UNC13C: variants seen among roughly 807,000 people sequenced by gnomAD.
UNC13C encodes the protein protein unc-13 homolog C.
Under a neutral mutation model 245.4 loss-of-function variants are expected in UNC13C, and 174 were observed. That is an observed-to-expected ratio of 0.71 (90% CI 0.63 to 0.80). The LOEUF is 0.80. UNC13C is among the 30% of genes least tolerant of loss of function. The pLI is 0.00. For missense variants in UNC13C, 2,829 were observed against 2,602.9 expected (o/e 1.09, Z -1.89); for synonymous variants, 992 against 895.1 (o/e 1.11, Z -1.93).
the UNC13C span, among the ~76,000 whole-genome samples, chr15:53,868,715 T>C: frequency 6.6e-6 from 1 of 152,192 alleles, no homozygotes; most frequent in African/African-American, 2.4e-5. Flanking sequence ...AGGGAAAAAG[T>C]AAATTTAAGA....
chr15:54,019,216 T>C (rs1234317835), intron 2 of UNC13C, among the ~76,000 whole-genome samples: 1 of 152,202 alleles, frequency 6.6e-6, no homozygotes, highest in African/African-American at 2.4e-5. Context: ...GGATCCAGAA[T>C]TACATGGATT....
At chr15:54,295,005 C>T (rs2037392207) in intron 11 of UNC13C, among the ~76,000 whole-genome samples, 1 of 152,064 alleles carries the variant, frequency 6.6e-6, no homozygotes. Flanking sequence ...TATCTGAACA[C>T]AGATGATTCA....
At chr15:54,063,069 T>G (rs1441054315) in intron 2 of UNC13C, among the ~76,000 whole-genome samples, 1 of 152,144 alleles carries the variant, frequency 6.6e-6, no homozygotes, top group Non-Finnish European at 1.5e-5. Context: ...TGGTATTTGG[T>G]TTTTTTCCTT....
intron 14 of UNC13C, among the ~76,000 whole-genome samples, chr15:54,328,501 T>A (rs2038355426): frequency 6.6e-6 from 1 of 152,202 alleles, no homozygotes; most frequent in African/African-American, 2.4e-5. Context: ...CCAGGGGTGC[T>A]AAAGAAGGTG....
intron 30 of UNC13C, among the ~76,000 whole-genome samples, chr15:54,606,361 A>C (rs1899765593): frequency 6.6e-6 from 1 of 152,234 alleles, no homozygotes; most frequent in South Asian, 2.1e-4. Flanking sequence ...ATTTTAAAAC[A>C]AATTTAAGAT....
At chr15:53,953,288 G>T in the UNC13C span, among the ~76,000 whole-genome samples, 62 of 152,322 alleles carry the variant, frequency 4.1e-4, no homozygotes, top group Non-Finnish European at 5.1e-4. Context: ...ATGAGAAGTG[G>T]CTTTCCTTTT....
At chr15:54,010,702 A>AG (rs1491449123) in intron 1 of UNC13C, among the ~76,000 whole-genome samples, 2 of 152,204 alleles carry the variant, frequency 1.3e-5, no homozygotes, top group Non-Finnish European at 2.9e-5. Context: ...ATTTGAAAAA[A>AG]GAGTCAAATT....
chr15:54,204,825 G>A (rs553041680), intron 4 of UNC13C, among the ~76,000 whole-genome samples: 1 of 152,076 alleles, frequency 6.6e-6, no homozygotes, highest in African/African-American at 2.4e-5. Flanking sequence ...ATTTGGGAAA[G>A]TCGACAGTAT....
At chr15:53,971,591 A>G in the UNC13C span, among the ~76,000 whole-genome samples, 4 of 152,178 alleles carry the variant, frequency 2.6e-5, no homozygotes, top group African/African-American at 7.2e-5. Flanking sequence ...TAAAGTCTCT[A>G]CTAGCTGTTG....
intron 4 of UNC13C, among the ~76,000 whole-genome samples, chr15:54,166,090 A>G (rs2033154490): frequency 6.6e-6 from 1 of 152,060 alleles, no homozygotes; most frequent in Non-Finnish European, 1.5e-5. Flanking sequence ...CTTATGTATC[A>G]AAGTCATCTT....
At chr15:53,865,951 T>C in the UNC13C span, among the ~76,000 whole-genome samples, 1 of 151,954 alleles carries the variant, frequency 6.6e-6, no homozygotes, top group African/African-American at 2.4e-5. Context: ...TCTGAACCTA[T>C]ACAATAGAAT....
chr15:54,037,079 C>G lies in UNC13C; in HGVS notation c.2983+21193C>G, dbSNP rs17732128. Among the ~76,000 whole-genome samples the G allele has an allele frequency of 5.7e-3, 869 of 152,302 alleles. 43 individuals are homozygous for G. In the South Asian group the frequency reaches 0.12, roughly 22 times the overall value. On this transcript the variant is annotated intron_variant, in intron 2 of 32. Transcript: ENST00000260323. ...ACCTAGCATTAAGGGGAGACCTGTC[C>G]TAAGTATTTCTGTGTGCTTTCCAGT...
At chr15:54,026,045 T>C (rs1251848105) in intron 2 of UNC13C, among the ~76,000 whole-genome samples, 1 of 152,198 alleles carries the variant, frequency 6.6e-6, no homozygotes, top group Non-Finnish European at 1.5e-5. Flanking sequence ...GCACACATAC[T>C]GGTGTTCCTA....
At chr15:54,618,468 A>G (rs762945639) in intron 30 of UNC13C, among the ~76,000 whole-genome samples, 1 of 152,206 alleles carries the variant, frequency 6.6e-6, no homozygotes, top group Non-Finnish European at 1.5e-5. Context: ...ACTTTGTTGA[A>G]TAAAGAATAT....
chr15:54,064,226 G>A (rs1897972044), intron 2 of UNC13C, among the ~76,000 whole-genome samples: 1 of 152,110 alleles, frequency 6.6e-6, no homozygotes, highest in Non-Finnish European at 1.5e-5. Flanking sequence ...GCTACCTAGT[G>A]GCAACAGAGA....
chr15:54,013,445 T>A lies in UNC13C; in HGVS notation c.542T>A (p.Leu181Ter). 1 of 1,613,790 alleles carries A rather than the reference T, an allele frequency of 6.2e-7. No individual in the cohort carries two copies. Among genetic ancestry groups the A allele is most frequent in the South Asian group, 1.1e-5 (1 of 91,074 alleles). The change falls in exon 2 of 33, where the codon TTA becomes TAA. Residue 181 changes from leucine to a stop codon, truncating the protein, a stop_gained. Transcript: ENST00000260323. LOFTEE classifies it high-confidence loss of function. ...CTACATGGCTTAAAACTGGGAGCTT[T>A]ACGAAAACTGAGAAAATGGAAAAAG... Reference protein sequence around the residue: ...RTLHGLKLGALRKLRKWKKSQ... With the variant: ...RTLHGLKLGA
intron 1 of UNC13C, among the ~76,000 whole-genome samples, chr15:54,001,034 G>T (rs1268938855): frequency 6.6e-6 from 1 of 152,096 alleles, no homozygotes; most frequent in Non-Finnish European, 1.5e-5. Flanking sequence ...TAATAGATTT[G>T]TATTAAGGAC....
intron 24 of UNC13C, among the ~76,000 whole-genome samples, chr15:54,514,691 G>A (rs1894891840): frequency 6.9e-6 from 1 of 145,310 alleles, no homozygotes; most frequent in Admixed American, 7.1e-5. Flanking sequence ...ATGTAGTTGA[G>A]GCAGCTGTTT....
intron 19 of UNC13C, among the ~76,000 whole-genome samples, chr15:54,478,523 T>C (rs1892906633): frequency 2.0e-5 from 3 of 151,364 alleles, no homozygotes; most frequent in East Asian, 2.0e-4. Context: ...TTTGTTCTCA[T>C]TGGTTTCAAA....
Sources: allele counts gnomAD v4.1 joint callset (sites outside exome capture counted in the v4.1 genomes callset), GRCh38; gene constraint gnomAD v4.1.1; transcripts MANE v1.5; gene names NCBI Gene and HGNC (gene_info 2026-07-23, HGNC 2026-07-21).